TACR3: variants seen among roughly 807,000 people sequenced by gnomAD.
TACR3 encodes tachykinin receptor 3.
In TACR3, 34 loss-of-function variants were observed where a neutral mutation model predicts 35.0. The observed-to-expected ratio is 0.97, with a 90% CI of 0.74 to 1.30. The LOEUF is 1.30. Among genes scored for constraint, TACR3 ranks in the 50% most tolerant of loss-of-function variants. The pLI is 0.00. For synonymous variants in TACR3, 233 were observed against 221.1 expected, an observed-to-expected ratio of 1.05 and a Z score of -0.48; for missense variants, 558 against 591.7, an observed-to-expected ratio of 0.94 and a Z score of 0.59.
intron 1 of TACR3, among the ~76,000 whole-genome samples, chr4:103,702,442 C>T (rs1722675219): frequency 6.6e-6 from 1 of 152,164 alleles, no homozygotes. Flanking sequence ...AACACTTTTA[C>T]ACTGTTGGTG....
At chr4:103,604,330 T>A (rs1217411500) in intron 3 of TACR3, among the ~76,000 whole-genome samples, 3 of 152,234 alleles carry the variant, frequency 2.0e-5, no homozygotes, top group Non-Finnish European at 4.4e-5. Context: ...GAAAACTGGC[T>A]AGCCATATGC....
At chr4:103,696,050 T>G (rs1042672994) in intron 1 of TACR3, among the ~76,000 whole-genome samples, 3 of 152,116 alleles carry the variant, frequency 2.0e-5, no homozygotes, top group Non-Finnish European at 2.9e-5. Flanking sequence ...ACAAAGGTAT[T>G]TTCAATAAGT....
chr4:103,639,911 C>G (rs938574373), intron 3 of TACR3, among the ~76,000 whole-genome samples: 2 of 151,860 alleles, frequency 1.3e-5, no homozygotes, highest in African/African-American at 4.8e-5. Flanking sequence ...TAATAAGCAC[C>G]AATCAATGCT....
chr4:103,668,475 G>A (rs1725978675), intron 1 of TACR3, among the ~76,000 whole-genome samples: 1 of 152,078 alleles, frequency 6.6e-6, no homozygotes, highest in Non-Finnish European at 1.5e-5. Context: ...AGTTGAGGTG[G>A]CTGTTGCAAT....
At position 103,591,625 on chromosome 4, in the gene TACR3, T is replaced by C. The variant is rs1723898853; in HGVS notation, c.947A>G (p.His316Arg). The change falls in exon 4 of 5, where the codon CAT (histidine) becomes CGT (arginine). Residue 316 changes from histidine to arginine, a missense_variant. By Grantham distance (29) the His-to-Arg change is conservative. Coordinates refer to ENST00000304883, the MANE Select transcript of TACR3 (RefSeq NM_001059.3). ...GATTGCAGTGAGAATGAAGTAAATA[T>C]GATAGGGCAGCCAGCAGATAGCAAA... ...MTFAICWLPY[H>R]IYFILTAIYQ... is the part of the protein sequence containing the mutation. 4 of 1,613,772 alleles carry C rather than the reference T, an allele frequency of 2.5e-6. No individual in the cohort carries two copies. The highest frequency in any genetic ancestry group is 2.2e-5 in the East Asian group (1 of 44,826).
At chr4:103,600,901 A>G (rs1724182987) in intron 3 of TACR3, among the ~76,000 whole-genome samples, 1 of 152,084 alleles carries the variant, frequency 6.6e-6, no homozygotes, top group Admixed American at 6.6e-5. Context: ...GTTTTGGAGT[A>G]GGTGTGGTGT....
At chr4:103,660,789 T>C (rs911489776) in intron 1 of TACR3, among the ~76,000 whole-genome samples, 1 of 152,046 alleles carries the variant, frequency 6.6e-6, no homozygotes, top group African/African-American at 2.4e-5. Flanking sequence ...AAATAATGCG[T>C]ATGTTTCAAA....
At chr4:103,607,755 G>A (rs1724415069) in intron 3 of TACR3, among the ~76,000 whole-genome samples, 1 of 152,058 alleles carries the variant, frequency 6.6e-6, no homozygotes. Flanking sequence ...TCTAGATTAA[G>A]CCCCAAATAA....
At chr4:103,652,438 T>G (rs1725642263) in intron 3 of TACR3, among the ~76,000 whole-genome samples, 1 of 152,156 alleles carries the variant, frequency 6.6e-6, no homozygotes, top group South Asian at 2.1e-4. Context: ...GCCACATGGC[T>G]GCTGCTGGGG....
chr4:103,648,388 C>T (rs979229928), intron 3 of TACR3, among the ~76,000 whole-genome samples: 1 of 151,880 alleles, frequency 6.6e-6, no homozygotes, highest in Non-Finnish European at 1.5e-5. Context: ...ATTCATTCTT[C>T]GAACTATATT....
At position 103,650,594 on chromosome 4, in the gene TACR3, A is replaced by G. The variant is rs1453767218; in HGVS notation, c.888+5600T>C. The stretch of plus-strand genomic sequence containing the variant: ...TATAAAATAAATTTAATAAAATAAA[A>G]TTTATATAAAATATATAAATATATT... On this transcript the variant is annotated intron_variant, in intron 3 of 4. Coordinates refer to ENST00000304883, the MANE Select transcript of TACR3 (RefSeq NM_001059.3). 2.9e-5 allele frequency among the ~76,000 whole-genome samples: 3 copies of G among 104,858 alleles called. No individual in the cohort carries two copies. In the East Asian group the frequency reaches 6.8e-4, roughly 24 times the overall value. The allele number at this position is 104,858 out of a possible 152,430, so 68.8% of individuals were successfully genotyped here.
chr4:103,710,127 G>A (rs569202138), intron 1 of TACR3, among the ~76,000 whole-genome samples: 1 of 152,150 alleles, frequency 6.6e-6, no homozygotes, highest in Non-Finnish European at 1.5e-5. Flanking sequence ...GGGTATCCAG[G>A]AATTGAACTC....
At chr4:103,626,294 AT>A (rs1724888570) in intron 3 of TACR3, among the ~76,000 whole-genome samples, 1 of 152,214 alleles carries the variant, frequency 6.6e-6, no homozygotes. Flanking sequence ...CTAATCTGGT[AT>A]CTTTTACCAA....
At chr4:103,700,713 G>A (rs903313614) in intron 1 of TACR3, among the ~76,000 whole-genome samples, 41 of 152,028 alleles carry the variant, frequency 2.7e-4, no homozygotes, top group Non-Finnish European at 4.1e-4. Context: ...AGATCAAGTG[G>A]GCTTCATCCC....
rs371805457 is a variant in TACR3 at position 103,652,037 on chromosome 4, GC to G, written c.888+4156del. Among the ~76,000 whole-genome samples, 38 of 152,086 alleles carry G rather than the reference GC, an allele frequency of 2.5e-4. 1 individual carries two copies. Among genetic ancestry groups the G allele is most frequent in the African/African-American group, 8.7e-4 (36 of 41,514 alleles). On this transcript the variant is annotated intron_variant, in intron 3 of 4. Transcript: ENST00000304883. ...GAGCCAGTTCCTTTTGAACCCATGA[GC>G]CCTGCTGCCTGGGATTGTGGGGAGG...
intron 1 of TACR3, among the ~76,000 whole-genome samples, chr4:103,675,420 T>A (rs1201888999): frequency 6.6e-6 from 1 of 151,758 alleles, no homozygotes; most frequent in Non-Finnish European, 1.5e-5. Context: ...AAATAAGGAG[T>A]CTCAGTCAGA....
intron 1 of TACR3, among the ~76,000 whole-genome samples, chr4:103,682,981 T>C (rs139797823): frequency 4.7e-4 from 71 of 152,250 alleles, no homozygotes; most frequent in Middle Eastern, 3.4e-3. Context: ...TCTCATCACA[T>C]ATGCCACGTT....
intron 3 of TACR3, among the ~76,000 whole-genome samples, chr4:103,625,330 C>G (rs1192374277): frequency 6.6e-6 from 1 of 151,710 alleles, no homozygotes; most frequent in Non-Finnish European, 1.5e-5. Context: ...GTGCTAGGCA[C>G]ATTAAAAACT....
At chr4:103,592,593 A>G (rs1723919011) in intron 3 of TACR3, among the ~76,000 whole-genome samples, 1 of 152,234 alleles carries the variant, frequency 6.6e-6, no homozygotes, top group Non-Finnish European at 1.5e-5. Context: ...TACAATGAAC[A>G]ATGTTCATAT....
Sources: gnomAD v4.1 joint callset for allele counts (sites outside exome capture counted in the v4.1 genomes callset) on GRCh38, gnomAD v4.1.1 for gene constraint, MANE v1.5 for transcripts, NCBI Gene and HGNC (gene_info 2026-07-23, HGNC 2026-07-21) for gene names.